The following GRIN3A variants were observed in gnomAD, a reference collection of about 807,000 sequenced individuals.
GRIN3A encodes the protein glutamate receptor ionotropic, NMDA 3A.
A neutral mutation model predicts 92.4 loss-of-function variants in GRIN3A; 47 were observed. The ratio of observed to expected loss-of-function variants is 0.51; its 90% CI spans 0.40 to 0.65. The LOEUF is 0.65. Among genes scored for constraint, GRIN3A ranks in the 30% least tolerant of loss-of-function variants. GRIN3A has a pLI of 0.00. For synonymous variants in GRIN3A, 527 were observed against 540.6 expected, an observed-to-expected ratio of 0.97 and a Z score of 0.35; for missense variants, 1,324 against 1,393.1, an observed-to-expected ratio of 0.95 and a Z score of 0.79.
chr9:101,580,092 A>G lies in GRIN3A; in HGVS notation c.2767-732T>C, dbSNP rs574534780. ...GCATGAAGCTCAACTGCACATGTGC[A>G]TGTATCTCTTTTCATAAATATTTAT... On this transcript the variant is annotated intron_variant, in intron 6 of 8. Transcript: ENST00000361820. Among the ~76,000 whole-genome samples, 10 of 152,342 alleles carry G rather than the reference A, an allele frequency of 6.6e-5. 1 individual carries two copies. In the South Asian group the frequency reaches 1.9e-3, roughly 28 times the overall value.
Position 101,573,407 on chromosome 9 carries a change from C to CT in GRIN3A, c.3114_3115insA (p.Gly1039ArgfsTer76). 6.2e-7 allele frequency: 1 copy of CT among 1,614,006 alleles called. No homozygotes were observed. Among genetic ancestry groups the CT allele is most frequent in the Non-Finnish European group, 8.5e-7 (1 of 1,179,970 alleles). ...GGGATGTCCTGGTGGATCCGGATGCCCAGCTGGTTTTGTCCTTCCTCATCA... is the reference window on the plus strand; with the variant it reads ...GGGATGTCCTGGTGGATCCGGATGCCTCAGCTGGTTTTGTCCTTCCTCATCA... On this transcript the variant is annotated frameshift_variant, in exon 9 of 9. Coordinates refer to ENST00000361820, the MANE Select transcript of GRIN3A (RefSeq NM_133445.3). LOFTEE classifies it high-confidence loss of function.
chr9:101,684,442 T>G (rs1348884812), intron 2 of GRIN3A, among the ~76,000 whole-genome samples: 4 of 152,066 alleles, frequency 2.6e-5, no homozygotes, highest in Non-Finnish European at 5.9e-5. Flanking sequence ...ACCTATTAAG[T>G]GCCTACTATA....
chr9:101,606,906 ATTTTTTTTTTT>A lies in GRIN3A; in HGVS notation c.2766+6459_2766+6469del, dbSNP rs536780165. 1.2e-4 allele frequency among the ~76,000 whole-genome samples: 10 copies of A among 86,212 alleles called. No individual in the cohort carries two copies. In the South Asian group the frequency reaches 1.4e-3, roughly 12 times the overall value. The allele number at this position is 86,212 out of a possible 152,430, so 56.6% of individuals were successfully genotyped here. On this transcript the variant is annotated intron_variant, in intron 6 of 8. Transcript: ENST00000361820. ...CACTTGGGGAGTTGAAAAAAATTAC[ATTTTTTTTTTT>A]TTTTTTTTTTTTTGCTGAGTCAAAA...
At chr9:101,649,347 C>A (rs572963743) in intron 3 of GRIN3A, among the ~76,000 whole-genome samples, 1 of 152,118 alleles carries the variant, frequency 6.6e-6, no homozygotes, top group African/African-American at 2.4e-5. Flanking sequence ...TGCCAAGTAG[C>A]CTCCAAGATC....
intron 3 of GRIN3A, among the ~76,000 whole-genome samples, chr9:101,666,277 C>T (rs1829235813): frequency 7.2e-6 from 1 of 138,242 alleles, no homozygotes; most frequent in Non-Finnish European, 1.7e-5. Flanking sequence ...CTCTTGAACT[C>T]TGGCTCCATG....
At chr9:101,613,575 A>C in intron 5 of GRIN3A, 48 bp from the exon 6 acceptor site, 5 of 1,582,522 alleles carry the variant, frequency 3.2e-6, no homozygotes, top group Non-Finnish European at 4.3e-6. Flanking sequence ...CCTTCCTGAG[A>C]GATTGCCACC....
chr9:101,711,343 G>T (rs149358349), intron 1 of GRIN3A, among the ~76,000 whole-genome samples: 1 of 152,188 alleles, frequency 6.6e-6, no homozygotes, highest in African/African-American at 2.4e-5. Flanking sequence ...CACACATCCC[G>T]ATAGGTCAGG....
intron 6 of GRIN3A, among the ~76,000 whole-genome samples, chr9:101,589,416 A>G (rs1353275619): frequency 1.3e-5 from 2 of 152,250 alleles, no homozygotes; most frequent in African/African-American, 2.4e-5. Flanking sequence ...TCCCAATGCC[A>G]CCAAAGATAC....
intron 6 of GRIN3A, among the ~76,000 whole-genome samples, chr9:101,604,354 C>T (rs1483887358): frequency 6.6e-6 from 1 of 152,122 alleles, no homozygotes; most frequent in Non-Finnish European, 1.5e-5. Context: ...GACTGGCTTC[C>T]CTTTCTTCAG....
intron 2 of GRIN3A, among the ~76,000 whole-genome samples, chr9:101,677,690 C>T (rs1377089854): frequency 9.9e-5 from 15 of 152,038 alleles, no homozygotes; most frequent in Admixed American, 9.2e-4. Context: ...TCACCAAAGC[C>T]GAGCCCTGTG....
intron 6 of GRIN3A, chr9:101,594,315 A>G: frequency 1.4e-6 from 2 of 1,454,468 alleles, no homozygotes; most frequent in Non-Finnish European, 1.9e-6. Context: ...ATACTTCCAG[A>G]TAAGTCAGAG....
In GRIN3A at chr9:101,642,617, G is replaced by A. The variant is rs370045361; in HGVS notation, c.2353-14216C>T. ...TCAGCCAGCAGGCCAACTGGTCCAT[G>A]GCCTGTTAAGAACTGGCCACACAGC... is the stretch of plus-strand genomic sequence containing the variant. On this transcript the variant is annotated intron_variant, in intron 3 of 8. Transcript: ENST00000361820. Among the ~76,000 whole-genome samples, 7 of 152,268 alleles carry A rather than the reference G, an allele frequency of 4.6e-5. No homozygotes were observed. In the East Asian group the frequency reaches 1.2e-3, roughly 25 times the overall value.
At chr9:101,708,264 T>C (rs1436799850) in intron 1 of GRIN3A, among the ~76,000 whole-genome samples, 1 of 152,166 alleles carries the variant, frequency 6.6e-6, no homozygotes, top group African/African-American at 2.4e-5. Context: ...TAAATTAGAC[T>C]TCATGATTCT....
intron 2 of GRIN3A, among the ~76,000 whole-genome samples, chr9:101,674,563 A>T (rs1435246202): frequency 1.3e-5 from 2 of 152,142 alleles, no homozygotes; most frequent in African/African-American, 4.8e-5. Flanking sequence ...ACAGAAGGTC[A>T]TATAAATAAG....
At chr9:101,733,066 A>T (rs1830160247) in intron 1 of GRIN3A, among the ~76,000 whole-genome samples, 1 of 152,172 alleles carries the variant, frequency 6.6e-6, no homozygotes, top group African/African-American at 2.4e-5. Context: ...AATGGTACAA[A>T]ATCCATGGTG....
intron 3 of GRIN3A, among the ~76,000 whole-genome samples, chr9:101,643,683 T>TCTCA (rs60262370): frequency 4.9e-5 from 7 of 142,728 alleles, no homozygotes; most frequent in Non-Finnish European, 7.9e-5. Flanking sequence ...TCTCTCTCTC[T>TCTCA]CACACACACA....
chr9:101,573,025 T>G lies in GRIN3A; in HGVS notation c.*149A>C, dbSNP rs1588232272. On this transcript the variant is annotated 3_prime_UTR_variant, in exon 9 of 9. Coordinates refer to ENST00000361820, the MANE Select transcript of GRIN3A (RefSeq NM_133445.3). ...AGCTTGAGAGGAGCTGCTGCTGCAC[T>G]TTAGGCGAGGGAGAGCAGACTTGAC... 1 of 692,716 alleles carries G rather than the reference T, an allele frequency of 1.4e-6. No homozygotes were observed. The allele number at this position is 692,716 out of a possible 1,614,324, so 42.9% of individuals were successfully genotyped here. A position where few individuals can be genotyped will look rare whatever the true frequency, so the allele number is the denominator to read the frequency against.
At chr9:101,616,890 A>T (rs1398551486) in intron 5 of GRIN3A, among the ~76,000 whole-genome samples, 97 of 55,242 alleles carry the variant, frequency 1.8e-3, no homozygotes, top group African/African-American at 4.9e-3. Flanking sequence ...TTAAAGTATA[A>T]AAAAAAAAAA....
intron 1 of GRIN3A, among the ~76,000 whole-genome samples, chr9:101,716,794 G>A (rs1829953283): frequency 6.6e-6 from 1 of 152,088 alleles, no homozygotes; most frequent in Admixed American, 6.5e-5. Flanking sequence ...GCACTAGCAG[G>A]CATGCAGTTT....
Sources: allele counts gnomAD v4.1 joint callset (sites outside exome capture counted in the v4.1 genomes callset), GRCh38; gene constraint gnomAD v4.1.1; transcripts MANE v1.5; gene names NCBI Gene and HGNC (gene_info 2026-07-23, HGNC 2026-07-21).